CPNE8: variants seen among roughly 807,000 people sequenced by gnomAD.
CPNE8 encodes copine 8.
A neutral mutation model predicts 81.5 loss-of-function variants in CPNE8; 45 were observed. That is an observed-to-expected ratio of 0.55 (90% confidence interval 0.44 to 0.71). The LOEUF (loss-of-function observed/expected upper bound fraction) is 0.71, where lower values mean the gene tolerates loss of function less well. CPNE8 is among the 30% of genes least tolerant of loss of function. The pLI is 0.00. For missense variants in CPNE8, 594 were observed against 672.1 expected (o/e 0.88, Z 1.28); for synonymous variants, 252 against 226.3 (o/e 1.11, Z -1.02).
chr12:38,797,044 AAGCTCGAACTGGGTGGAGCCCACCAC>A (rs1320730155), intron 6 of CPNE8, among the ~76,000 whole-genome samples: 2 of 152,178 alleles, frequency 1.3e-5, no homozygotes, highest in African/African-American at 2.4e-5. Flanking sequence ...AGCAGCCGGG[AAGCTCGAACTGGGTGGAGCCCACCAC>A]AGCTCAAGGA....
chr12:38,695,298 C>T (rs576175380), intron 14 of CPNE8, among the ~76,000 whole-genome samples: 1 of 152,302 alleles, frequency 6.6e-6, no homozygotes, highest in Non-Finnish European at 1.5e-5. Flanking sequence ...GCAGCCCTAT[C>T]TTCCAGTCTC....
rs895264993 is a variant in CPNE8, at chr12:38,839,834, G to A, written c.330+82C>T. 4.9e-6 allele frequency: 6 copies of A among 1,226,852 alleles called. No homozygotes were observed. The African/African-American group carries it at 6.2e-5, about 13-fold the overall frequency. 76.0% of individuals were successfully genotyped at this position (1,226,852 alleles called of 1,614,324 possible). A position where few individuals can be genotyped will look rare whatever the true frequency, so the allele number is the denominator to read the frequency against. ...ACGTTACATGAATAACTTAATAGAT[G>A]TATAACTTTAATATTAATAAGTCAG... On this transcript the variant is annotated intron_variant, in intron 5 of 19. Coordinates refer to ENST00000331366, the MANE Select transcript of CPNE8 (RefSeq NM_153634.3).
intron 6 of CPNE8, among the ~76,000 whole-genome samples, chr12:38,778,854 A>G (rs1390765899): frequency 6.6e-6 from 1 of 152,204 alleles, no homozygotes; most frequent in Non-Finnish European, 1.5e-5. Context: ...TGTAATATAC[A>G]GTCATGCATT....
chr12:38,815,060 C>T (rs1943002594), intron 6 of CPNE8, among the ~76,000 whole-genome samples: 1 of 152,146 alleles, frequency 6.6e-6, no homozygotes, highest in Non-Finnish European at 1.5e-5. Context: ...CCTCATCCTT[C>T]TATGGTGTCG....
intron 16 of CPNE8, 72 bp downstream of exon 16, chr12:38,685,418 G>T: frequency 6.7e-7 from 1 of 1,498,450 alleles, no homozygotes; most frequent in Non-Finnish European, 9.0e-7. Context: ...GTGGAGTCAT[G>T]CTAGCAACAA....
At chr12:38,694,652 G>A (rs965892118) in intron 14 of CPNE8, among the ~76,000 whole-genome samples, 3 of 152,198 alleles carry the variant, frequency 2.0e-5, no homozygotes, top group Admixed American at 6.5e-5. Flanking sequence ...GAGAGAAAGT[G>A]TAATGTATTA....
intron 6 of CPNE8, among the ~76,000 whole-genome samples, chr12:38,793,096 T>A (rs772834402): frequency 6.6e-6 from 1 of 151,804 alleles, no homozygotes; most frequent in Admixed American, 6.6e-5. Context: ...AGGTGGTATA[T>A]GAAAAGTCCA....
At chr12:38,862,334 T>C (rs1284510616) in intron 3 of CPNE8, among the ~76,000 whole-genome samples, 1 of 151,940 alleles carries the variant, frequency 6.6e-6, no homozygotes, top group Non-Finnish European at 1.5e-5. Context: ...ATGAGTTTAA[T>C]TCCCTGATTC....
chr12:38,894,678 T>A (rs1162528512), intron 1 of CPNE8, among the ~76,000 whole-genome samples: 3 of 142,192 alleles, frequency 2.1e-5, no homozygotes, highest in Non-Finnish European at 4.7e-5. Flanking sequence ...TCTCTCTCTC[T>A]CTCTCTCTCT....
intron 2 of CPNE8, among the ~76,000 whole-genome samples, chr12:38,873,825 C>T (rs558695798): frequency 6.6e-6 from 1 of 152,264 alleles, no homozygotes; most frequent in Admixed American, 6.5e-5. Context: ...TTCAAACTAC[C>T]CTTCTCACTT....
Position 38,756,039 on chromosome 12 carries a change from C to CA in CPNE8, c.722+4807dup, listed in dbSNP as rs60851774. Among the ~76,000 whole-genome samples the CA allele has an allele frequency of 2.4e-3, 195 of 82,348 alleles. 7 individuals are homozygous for CA. Among genetic ancestry groups the CA allele is most frequent in the East Asian group, 0.02 (63 of 3,202 alleles). The allele number at this position is 82,348 out of a possible 152,430, so 54.0% of individuals were successfully genotyped here. A position where few individuals can be genotyped will look rare whatever the true frequency, so the allele number is the denominator to read the frequency against. On this transcript the variant is annotated intron_variant, in intron 10 of 19. Coordinates refer to ENST00000331366, the MANE Select transcript of CPNE8 (RefSeq NM_153634.3). ...TGGGCGACAGAGCGAGACTCCGTCTCAAAAAAAAAAAAAAAAGAACAGGTA... is the reference window on the plus strand; with the variant it reads ...TGGGCGACAGAGCGAGACTCCGTCTCAAAAAAAAAAAAAAAAAGAACAGGTA...
chr12:38,722,120 C>T (rs1940579893), intron 13 of CPNE8, among the ~76,000 whole-genome samples: 1 of 152,136 alleles, frequency 6.6e-6, no homozygotes, highest in South Asian at 2.1e-4. Flanking sequence ...CCAGAAAAAG[C>T]GGCACCCCAA....
intron 19 of CPNE8, among the ~76,000 whole-genome samples, chr12:38,667,578 A>G (rs79546212): frequency 0.011 from 1,720 of 152,296 alleles, 25 homozygotes; most frequent in African/African-American, 0.038. Context: ...TCAATGCAGG[A>G]ATGTAAGTCA....
chr12:38,718,849 G>A (rs1940476678), intron 13 of CPNE8, among the ~76,000 whole-genome samples: 1 of 152,064 alleles, frequency 6.6e-6, no homozygotes, highest in Non-Finnish European at 1.5e-5. Context: ...ATTAAATGAT[G>A]TACAATCATA....
chr12:38,885,585 G>A (rs1944226027), intron 1 of CPNE8, among the ~76,000 whole-genome samples: 1 of 152,076 alleles, frequency 6.6e-6, no homozygotes, highest in Non-Finnish European at 1.5e-5. Flanking sequence ...CGAAAACAAG[G>A]GCAGAAATAT....
rs1196811260 is a variant in CPNE8 at position 38,723,808 on chromosome 12, T to C, written c.878A>G (p.Glu293Gly). The change falls in exon 13 of 20, where the codon GAA becomes GGA. Residue 293 changes from glutamate (E) to glycine (G), a missense_variant. Coordinates refer to ENST00000331366, the MANE Select transcript of CPNE8 (RefSeq NM_153634.3). Reference sequence around the variant, plus strand: ...GTAGTCAAGGAATGAAACTTCTGTTTCTACCAAGAAAGAGAGTAAAGTTAC... The same window carrying C: ...GTAGTCAAGGAATGAAACTTCTGTTCCTACCAAGAAAGAGAGTAAAGTTAC... ...GTVTLLSFLV[E>G]TEVSFLDYIK... 1 of 1,590,536 alleles carries C rather than the reference T, an allele frequency of 6.3e-7. No homozygotes were observed. The highest frequency in any genetic ancestry group is 8.6e-7 in the Non-Finnish European group (1 of 1,160,928).
In CPNE8 at chr12:38,874,474, G is replaced by A; in HGVS notation, c.136C>T (p.Pro46Ser). The A allele has an allele frequency of 6.2e-7, 1 of 1,605,532 alleles. No homozygotes were observed. The highest frequency in any genetic ancestry group is 8.5e-7 in the Non-Finnish European group (1 of 1,173,940). Reference protein sequence around the residue: ...LDRDTFSKSDPICVLYVQGVG... With the variant: ...LDRDTFSKSDSICVLYVQGVG... ...AAGGCAAGCAATACATACTTACTTG[G>A]ATCAGATTTAGAAAATGTGTCTCTG... The change falls in exon 2 of 20, where the codon CCA becomes TCA. Residue 46 changes from proline to serine, a missense_variant. Transcript: ENST00000331366.
intron 6 of CPNE8, among the ~76,000 whole-genome samples, chr12:38,793,560 G>T (rs1472806386): frequency 6.6e-6 from 1 of 151,832 alleles, no homozygotes; most frequent in Non-Finnish European, 1.5e-5. Flanking sequence ...ACTGCTGAAA[G>T]AAATTAAAGG....
At chr12:38,707,403 C>T (rs938217382) in intron 13 of CPNE8, among the ~76,000 whole-genome samples, 1 of 151,406 alleles carries the variant, frequency 6.6e-6, no homozygotes, top group African/African-American at 2.4e-5. Flanking sequence ...ACCATGTAGA[C>T]TATGTACAAT....
Sources: gnomAD v4.1 joint callset for allele counts (sites outside exome capture counted in the v4.1 genomes callset) on GRCh38, gnomAD v4.1.1 for gene constraint, MANE v1.5 for transcripts, NCBI Gene and HGNC (gene_info 2026-07-23, HGNC 2026-07-21) for gene names.